ADAMTS18: variants seen among roughly 807,000 people sequenced by gnomAD.
ADAMTS18 encodes the protein ADAM metallopeptidase with thrombospondin type 1 motif 18, also known as A disintegrin and metalloproteinase with thrombospondin motifs 18.
A neutral mutation model predicts 165.9 loss-of-function variants in ADAMTS18; 157 were observed. That is an observed-to-expected ratio of 0.95 (90% CI 0.83 to 1.08). The LOEUF is 1.08. ADAMTS18 is among the 50% of genes least tolerant of loss of function. ADAMTS18 has a pLI of 0.00. For missense variants in ADAMTS18, 2,040 were observed against 1,534.0 expected (o/e 1.33, Z -5.51); for synonymous variants, 782 against 578.2 (o/e 1.35, Z -5.06).
At chr16:77,296,599 G>A (rs552372606) in intron 18 of ADAMTS18, among the ~76,000 whole-genome samples, 197 of 152,282 alleles carry the variant, frequency 1.3e-3, no homozygotes, top group African/African-American at 4.5e-3. Flanking sequence ...TTGGGATGCT[G>A]AAAACAGGCA....
chr16:77,405,827 C>T (rs1176563954), intron 3 of ADAMTS18, among the ~76,000 whole-genome samples: 1 of 152,086 alleles, frequency 6.6e-6, no homozygotes, highest in African/African-American at 2.4e-5. Flanking sequence ...TATAAAGACA[C>T]ACTGGTCCTA....
chr16:77,369,235 T>C (rs990743534), intron 3 of ADAMTS18, among the ~76,000 whole-genome samples: 7 of 152,242 alleles, frequency 4.6e-5, no homozygotes, highest in Non-Finnish European at 1.0e-4. Context: ...TTTTAATCTT[T>C]TTTTCATAGT....
chr16:77,361,314 A>G (rs2056709910), intron 7 of ADAMTS18, among the ~76,000 whole-genome samples: 1 of 152,164 alleles, frequency 6.6e-6, no homozygotes, highest in Non-Finnish European at 1.5e-5. Flanking sequence ...TTGAATTCCT[A>G]TTATGTGCAA....
Position 77,283,983 on chromosome 16 carries a change from G to A in ADAMTS18, c.3639C>T (p.Cys1213=). Residue 1213 remains cysteine, a synonymous_variant, in exon 23 of 23, where the codon TGC becomes TGT. Transcript: ENST00000282849. Reference sequence around the variant, plus strand: ...AGATCTTCCTTGTGCATGACTTGCAGCATTGTTTTCCGTAAAACTTGTGGT... The same window carrying A: ...AGATCTTCCTTGTGCATGACTTGCAACATTGTTTTCCGTAAAACTTGTGGT... ...VCNHKFYGKQ[C]CKSCTRKI 1 of 1,613,932 alleles carries A rather than the reference G, an allele frequency of 6.2e-7. No individual in the cohort carries two copies. Among genetic ancestry groups the A allele is most frequent in the Non-Finnish European group, 8.5e-7 (1 of 1,179,876 alleles).
At chr16:77,343,525 T>C (rs899023998) in intron 10 of ADAMTS18, among the ~76,000 whole-genome samples, 1 of 152,264 alleles carries the variant, frequency 6.6e-6, no homozygotes, top group Non-Finnish European at 1.5e-5. Flanking sequence ...TAATTCTTCA[T>C]CTAAACTCAT....
In ADAMTS18 at chr16:77,415,501, C is replaced by A. The variant is rs550035215; in HGVS notation, c.495+15794G>T. On this transcript the variant is annotated intron_variant, in intron 3 of 22. Coordinates refer to ENST00000282849, the MANE Select transcript of ADAMTS18 (RefSeq NM_199355.4). ...ATTATCTTCCATCCTCTTTGCTAAC[C>A]CCAGGTGTCCCAGAATTTGATTTTT... Among the ~76,000 whole-genome samples, 15 of 152,182 alleles carry A rather than the reference C, an allele frequency of 9.9e-5. No individual in the cohort carries two copies. In the East Asian group the frequency reaches 2.1e-3, roughly 22 times the overall value.
Position 77,293,079 on chromosome 16 carries a change from G to A in ADAMTS18, c.3186C>T (p.Ser1062=), listed in dbSNP as rs752883058. 8.7e-6 allele frequency: 14 copies of A among 1,613,848 alleles called. No individual in the cohort carries two copies. The highest frequency in any genetic ancestry group is 3.3e-5 in the Admixed American group (2 of 59,994). Residue 1062 remains serine, a synonymous_variant, in exon 20 of 23, where the codon AGC becomes AGT. Coordinates refer to ENST00000282849, the MANE Select transcript of ADAMTS18 (RefSeq NM_199355.4). ...SRLQWVASSW[S]ECSATCGLGV... ...AGCAGTGACTTCTAATCCATACCTC[G>A]CTCCACGAAGAAGCGACCCACTGTA...
intron 3 of ADAMTS18, among the ~76,000 whole-genome samples, chr16:77,394,575 T>C (rs147916164): frequency 6.6e-6 from 1 of 152,200 alleles, no homozygotes; most frequent in African/African-American, 2.4e-5. Context: ...TACCTTAATA[T>C]ACAGAAAGAG....
intron 3 of ADAMTS18, among the ~76,000 whole-genome samples, chr16:77,379,464 T>C (rs1171996883): frequency 6.6e-6 from 1 of 152,134 alleles, no homozygotes; most frequent in African/African-American, 2.4e-5. Context: ...AGGTGTCACC[T>C]TATATGCTGG....
rs113254877 is a variant in ADAMTS18, at chr16:77,431,683, G to A, written c.179-72C>T. On this transcript the variant is annotated intron_variant, in intron 2 of 22. Transcript: ENST00000282849. ...CAAATGGTCTCTTTCCAGCAAGCTG[G>A]CAAAGAGCAACACAAAGCTCAAAGA... is the stretch of plus-strand genomic sequence containing the variant. 2.7e-6 allele frequency: 4 copies of A among 1,492,966 alleles called. No individual in the cohort carries two copies. In the South Asian group the frequency reaches 3.4e-5, roughly 13 times the overall value. The allele number at this position is 1,492,966 out of a possible 1,614,324, so 92.5% of individuals were successfully genotyped here.
chr16:77,416,264 G>C (rs979531278), intron 3 of ADAMTS18, among the ~76,000 whole-genome samples: 2 of 152,154 alleles, frequency 1.3e-5, no homozygotes, highest in African/African-American at 2.4e-5. Flanking sequence ...GTGGAGCCCA[G>C]TGGAAGAGCT....
At chr16:77,370,790 G>A (rs933628135) in intron 3 of ADAMTS18, among the ~76,000 whole-genome samples, 5 of 147,012 alleles carry the variant, frequency 3.4e-5, no homozygotes, top group Admixed American at 1.4e-4. Context: ...TAATAGCTAC[G>A]ATATATATAT....
At chr16:77,377,843 C>T (rs1349930167) in intron 3 of ADAMTS18, among the ~76,000 whole-genome samples, 1 of 152,076 alleles carries the variant, frequency 6.6e-6, no homozygotes, top group Non-Finnish European at 1.5e-5. Flanking sequence ...AGAATAGCCC[C>T]AAATGAGAAA....
intron 6 of ADAMTS18, 51 bp from the exon 7 acceptor site, chr16:77,362,315 A>C: frequency 6.3e-7 from 1 of 1,592,680 alleles, no homozygotes; most frequent in Non-Finnish European, 8.6e-7. Context: ...AGAGATGAGA[A>C]TGCTGAATCA....
chr16:77,416,689 T>C (rs2057534621), intron 3 of ADAMTS18, among the ~76,000 whole-genome samples: 1 of 152,200 alleles, frequency 6.6e-6, no homozygotes, highest in South Asian at 2.1e-4. Context: ...AATTTGTCTA[T>C]TAGCAGCATG....
intron 16 of ADAMTS18, among the ~76,000 whole-genome samples, chr16:77,309,617 T>C (rs1443407372): frequency 6.6e-6 from 1 of 152,202 alleles, no homozygotes; most frequent in African/African-American, 2.4e-5. Context: ...CAGGAAGACA[T>C]CCTATAAAGT....
chr16:77,375,368 A>G (rs60669134), intron 3 of ADAMTS18, among the ~76,000 whole-genome samples: 8,928 of 152,174 alleles, frequency 0.059, 604 homozygotes, highest in African/African-American at 0.16. Context: ...GGTGAAAGAG[A>G]GAGAGTCCAT....
At chr16:77,297,222 A>ATCTCATAACAACAATGAAGG in intron 18 of ADAMTS18, 67 bp downstream of exon 18, 3 of 1,589,948 alleles carry the variant, frequency 1.9e-6, no homozygotes, top group Non-Finnish European at 2.6e-6. Flanking sequence ...AGCTTTCATC[A>ATCTCATAACAACAATGAAGG]TCTCATAACA....
intron 3 of ADAMTS18, among the ~76,000 whole-genome samples, chr16:77,391,227 G>T (rs1674340592): frequency 6.6e-6 from 1 of 152,094 alleles, no homozygotes; most frequent in African/African-American, 2.4e-5. Flanking sequence ...GACAGGCCAG[G>T]CATGATGGCT....
Sources: allele counts gnomAD v4.1 joint callset (sites outside exome capture counted in the v4.1 genomes callset), GRCh38; gene constraint gnomAD v4.1.1; transcripts MANE v1.5; gene names NCBI Gene and HGNC (gene_info 2026-07-23, HGNC 2026-07-21).